The following CARD14 variants were observed in gnomAD, a reference collection of about 807,000 sequenced individuals.
CARD14 encodes the protein caspase recruitment domain-containing protein 14.
In CARD14, 107 loss-of-function variants were observed where a neutral mutation model predicts 111.5. That is an observed-to-expected ratio of 0.96 (90% CI 0.82 to 1.13). The LOEUF is 1.13. Ranked by LOEUF, CARD14 falls within the 50% of genes most tolerant of loss-of-function variation. CARD14 has a pLI of 0.00. For synonymous variants in CARD14, 617 were observed against 579.6 expected, an observed-to-expected ratio of 1.06 and a Z score of -0.93; for missense variants, 1,322 against 1,362.3, an observed-to-expected ratio of 0.97 and a Z score of 0.47.
rs371155290 is a variant in CARD14, at chr17:80,175,413, G to T, written c.-367+2185G>T. 9.9e-5 allele frequency among the ~76,000 whole-genome samples: 15 copies of T among 152,276 alleles called. No individual in the cohort carries two copies. The East Asian group carries it at 2.9e-3, about 29-fold the overall frequency. On this transcript the variant is annotated intron_variant, in intron 2 of 23. Transcript: ENST00000648509. Reference sequence around the variant, plus strand: ...ATTTCACCAGGAGCTGGGGAGGGAGGTACAGGAGGCTGCCCTGATCCTTTG... The same window carrying T: ...ATTTCACCAGGAGCTGGGGAGGGAGTTACAGGAGGCTGCCCTGATCCTTTG...
In CARD14 at chr17:80,206,955, C is replaced by G; in HGVS notation, c.2692-15C>G. On this transcript the variant is annotated splice_polypyrimidine_tract_variant and intron_variant, in intron 22 of 23. Transcript: ENST00000648509. ...CCTGTGATCTTGACTCACTTCTTCTCTCCCTCCCACAAAGAACACCCATGC... is the reference window on the plus strand; with the variant it reads ...CCTGTGATCTTGACTCACTTCTTCTGTCCCTCCCACAAAGAACACCCATGC... 1 of 1,592,556 alleles carries G rather than the reference C, an allele frequency of 6.3e-7. No homozygotes were observed. Among genetic ancestry groups the G allele is most frequent in the Non-Finnish European group, 8.6e-7 (1 of 1,162,830 alleles).
chr17:80,178,825 A>G (rs1432962821), intron 3 of CARD14, among the ~76,000 whole-genome samples, 170 bp downstream of exon 3: 1 of 152,182 alleles, frequency 6.6e-6, no homozygotes, highest in Non-Finnish European at 1.5e-5. Flanking sequence ...AGCTTACTGC[A>G]ACCTCTGCCT....
Position 80,202,692 on chromosome 17 carries a change from G to T in CARD14, c.2219+272G>T, listed in dbSNP as rs185362091. On this transcript the variant is annotated intron_variant, in intron 18 of 23. Transcript: ENST00000648509. Reference sequence around the variant, plus strand: ...TAGCTTTGGTACCATGGACGTTTGGGGCTGGATCCCCGTCTGTGGTGGGGC... The same window carrying T: ...TAGCTTTGGTACCATGGACGTTTGGTGCTGGATCCCCGTCTGTGGTGGGGC... 20 of 1,142,484 alleles carry T rather than the reference G, an allele frequency of 1.8e-5. No individual in the cohort carries two copies. The Admixed American group carries it at 6.5e-4, about 37-fold the overall frequency. The allele number at this position is 1,142,484 out of a possible 1,614,324, so 70.8% of individuals were successfully genotyped here.
chr17:80,198,941 CT>C lies in CARD14; in HGVS notation c.1851+353del. 1 of 1,150,748 alleles carries C rather than the reference CT, an allele frequency of 8.7e-7. No individual in the cohort carries two copies. Among genetic ancestry groups the C allele is most frequent in the Non-Finnish European group, 1.1e-6 (1 of 933,662 alleles). The allele number at this position is 1,150,748 out of a possible 1,614,324, so 71.3% of individuals were successfully genotyped here. On this transcript the variant is annotated intron_variant, in intron 16 of 23. Coordinates refer to ENST00000648509, the MANE Select transcript of CARD14 (RefSeq NM_001366385.1). This position sits in a 1 kb window ranked among gnomAD's most constrained non-coding sequence, Gnocchi z 7.5. ...TTTTAACCACTGGGGCATTTCTTTTCTTTCTTTTTTTTTGTTTGTTGTTTTG... is the reference window on the plus strand; with the variant it reads ...TTTTAACCACTGGGGCATTTCTTTTCTTCTTTTTTTTTGTTTGTTGTTTTG...
intron 10 of CARD14, 142 bp downstream of exon 10, chr17:80,191,041 A>T: frequency 8.4e-7 from 1 of 1,186,830 alleles, no homozygotes; most frequent in Non-Finnish European, 1.2e-6. Flanking sequence ...GTCCACACGA[A>T]GTTTCTTCAC....
At chr17:80,202,148 G>T (rs1567897419) in intron 17 of CARD14, 32 bp from the exon 18 acceptor site, 1 of 1,570,882 alleles carries the variant, frequency 6.4e-7, no homozygotes. Context: ...CGTATCTGTG[G>T]CTCATCTGTG....
chr17:80,179,803 G>A (rs1055279445), intron 4 of CARD14, among the ~76,000 whole-genome samples: 1 of 152,160 alleles, frequency 6.6e-6, no homozygotes, highest in Non-Finnish European at 1.5e-5. Context: ...CTGCGTTCCA[G>A]CCTGGGCAAC....
chr17:80,204,746 CCTGG>C (rs762337701), intron 20 of CARD14: 6 of 432,110 alleles, frequency 1.4e-5, no homozygotes, highest in Non-Finnish European at 2.5e-5. Flanking sequence ...GGAAGAAAAC[CCTGG>C]CTTCCGCCAT....
rs753451217 is a variant in CARD14 at position 80,182,609 on chromosome 17, T to C, written c.212-44T>C. ...AAGCCAGCCAGGGAGCCCAGCCCCC[T>C]TGGTAGCTGGGTTCTGCCCAGACAG... is the stretch of plus-strand genomic sequence containing the variant. On this transcript the variant is annotated intron_variant, in intron 5 of 23. Coordinates refer to ENST00000648509, the MANE Select transcript of CARD14 (RefSeq NM_001366385.1). The surrounding 1 kb of genome is among the most constrained non-coding windows in gnomAD (Gnocchi z 4.7). The C allele has an allele frequency of 6.2e-6, 10 of 1,608,810 alleles. No homozygotes were observed. In the Admixed American group the frequency reaches 1.7e-4, roughly 27 times the overall value.
chr17:80,183,483 C>G (rs910039137), intron 6 of CARD14, among the ~76,000 whole-genome samples: 3 of 152,200 alleles, frequency 2.0e-5, no homozygotes, highest in Non-Finnish European at 4.4e-5. Flanking sequence ...TGCATTTCAG[C>G]TACCGAGGAG....
chr17:80,181,548 G>A lies in CARD14; in HGVS notation c.110G>A (p.Ser37Asn). 1 of 1,574,728 alleles carries A rather than the reference G, an allele frequency of 6.4e-7. No individual in the cohort carries two copies. Residue 37 changes from serine (S) to asparagine (N), a missense_variant, in exon 5 of 24, where the codon AGC becomes AAC. Transcript: ENST00000648509. ...RHRIVRCICP[S>N]RLTPYLRQAK... ...AGGATCGTACGCTGCATCTGCCCCA[G>A]CCGCCTCACCCCCTACCTGCGCCAG...
At chr17:80,202,708 G>T (rs1255371648) in intron 18 of CARD14, 7 of 930,852 alleles carry the variant, frequency 7.5e-6, no homozygotes, top group South Asian at 5.7e-5. Flanking sequence ...ATCCCCGTCT[G>T]TGGTGGGGCC....
Position 80,203,922 on chromosome 17 carries a change from T to C in CARD14, c.2283+37T>C. 6.5e-7 allele frequency: 1 copy of C among 1,535,168 alleles called. No individual in the cohort carries two copies. Among genetic ancestry groups the C allele is most frequent in the South Asian group, 1.2e-5 (1 of 84,098 alleles). On this transcript the variant is annotated intron_variant, in intron 19 of 23. Coordinates refer to ENST00000648509, the MANE Select transcript of CARD14 (RefSeq NM_001366385.1). The surrounding 1 kb of genome is among the most constrained non-coding windows in gnomAD (Gnocchi z 4.6). ...GGGAGGGGCCTGGACCCCACTGGGGTGGGCTGGAAGAGGGGCTCGGTGCTG... is the reference window on the plus strand; with the variant it reads ...GGGAGGGGCCTGGACCCCACTGGGGCGGGCTGGAAGAGGGGCTCGGTGCTG...
intron 5 of CARD14, 60 bp downstream of exon 5, chr17:80,181,709 T>G: frequency 7.1e-7 from 1 of 1,417,300 alleles, no homozygotes; most frequent in Non-Finnish European, 9.5e-7. Context: ...ATGGCTCCAC[T>G]GTCTGCCTCT....
rs956317338 is a variant in CARD14, at chr17:80,187,125, C to T, written c.676-1252C>T. The stretch of plus-strand genomic sequence containing the variant: ...ATGCCCTGCGGCTTTTTCTTGCCTT[C>T]TCCTGTTCCGTACGTGTGTGCTCCT... On this transcript the variant is annotated intron_variant, in intron 7 of 23. Coordinates refer to ENST00000648509, the MANE Select transcript of CARD14 (RefSeq NM_001366385.1). Among the ~76,000 whole-genome samples the T allele has an allele frequency of 3.9e-5, 6 of 152,376 alleles. No homozygotes were observed. The South Asian group carries it at 1.2e-3, about 32-fold the overall frequency.
Position 80,188,404 on chromosome 17 carries a change from C to A in CARD14, c.703C>A (p.Arg235=). Residue 235 remains arginine, a synonymous_variant, in exon 8 of 24, where the codon CGA becomes AGA. Transcript: ENST00000648509. This position sits in a 1 kb window ranked among gnomAD's most constrained non-coding sequence, Gnocchi z 4.5. ...GTATCTACTGAAGCAGGAGCTGCAGCGAGCCAACATGGTTTCCTCCTGTGA... is the reference window on the plus strand; with the variant it reads ...GTATCTACTGAAGCAGGAGCTGCAGAGAGCCAACATGGTTTCCTCCTGTGA... ...ELYLLKQELQ[R]ANMVSSCELE... 2 of 1,610,452 alleles carry A rather than the reference C, an allele frequency of 1.2e-6. No homozygotes were observed. The highest frequency in any genetic ancestry group is 1.7e-6 in the Non-Finnish European group (2 of 1,178,448).
At chr17:80,171,695 C>T (rs1276306805) in intron 1 of CARD14, among the ~76,000 whole-genome samples, 1 of 152,200 alleles carries the variant, frequency 6.6e-6, no homozygotes, top group Non-Finnish European at 1.5e-5. Flanking sequence ...GCTCCAGAAG[C>T]CTGAGGGGCA....
chr17:80,173,358 C>T (rs2039954384), intron 2 of CARD14, 130 bp downstream of exon 2: 1 of 152,412 alleles, frequency 6.6e-6, no homozygotes, highest in African/African-American at 2.4e-5. Flanking sequence ...ACAGGACAGA[C>T]TGATCGGCAG....
chr17:80,198,731 A>G lies in CARD14; in HGVS notation c.1851+140A>G. The G allele has an allele frequency of 1.9e-6, 3 of 1,556,782 alleles. No homozygotes were observed. In the South Asian group the frequency reaches 3.5e-5, roughly 18 times the overall value. On this transcript the variant is annotated intron_variant, in intron 16 of 23. Coordinates refer to ENST00000648509, the MANE Select transcript of CARD14 (RefSeq NM_001366385.1). The surrounding 1 kb of genome is among the most constrained non-coding windows in gnomAD (Gnocchi z 7.5). ...TGGGCCTCTGCTCTTTCCTGGGCTG[A>G]CGTAAAGCGTTCTGCTCATTTATAG...
Sources: allele counts gnomAD v4.1 joint callset (sites outside exome capture counted in the v4.1 genomes callset), GRCh38; gene constraint gnomAD v4.1.1; non-coding constraint Gnocchi (gnomAD v3.1); transcripts MANE v1.5; gene names NCBI Gene and HGNC (gene_info 2026-07-23, HGNC 2026-07-21).